Variants in SMARCC1 observed in about 807,000 individuals in gnomAD.
The protein encoded by SMARCC1 is SWI/SNF related BAF chromatin remodeling complex subunit C1.
In SMARCC1, 43 loss-of-function variants were observed where a neutral mutation model predicts 147.4. That is an observed-to-expected ratio of 0.29 (90% CI 0.23 to 0.38). The LOEUF is 0.38. Among genes scored for constraint, SMARCC1 ranks in the 10% least tolerant of loss-of-function variants. The pLI is 1.00. For synonymous variants in SMARCC1, 495 were observed against 484.4 expected (o/e 1.02, Z -0.29); for missense variants, 1,119 against 1,381.1 (o/e 0.81, Z 3.01).
chr3:47,599,349 C>G (rs1477762586), intron 26 of SMARCC1, among the ~76,000 whole-genome samples: 2 of 152,212 alleles, frequency 1.3e-5, no homozygotes, highest in Non-Finnish European at 2.9e-5. Context: ...CACCACTGCA[C>G]TCCAGCCTGA....
At chr3:47,612,689 T>C (rs1179722376) in intron 25 of SMARCC1, among the ~76,000 whole-genome samples, 3 of 152,108 alleles carry the variant, frequency 2.0e-5, no homozygotes, top group Non-Finnish European at 4.4e-5. Context: ...TTATCCTCTT[T>C]ATTTTCTGAG....
intron 18 of SMARCC1, 108 bp downstream of exon 18, chr3:47,675,367 T>C: frequency 3.5e-6 from 2 of 566,936 alleles, no homozygotes; most frequent in Non-Finnish European, 6.4e-6. Flanking sequence ...AGATAAATCA[T>C]AATTGTTTTT....
At chr3:47,719,783 T>C (rs1249204514) in intron 7 of SMARCC1, among the ~76,000 whole-genome samples, 3 of 152,090 alleles carry the variant, frequency 2.0e-5, no homozygotes, top group African/African-American at 7.2e-5. Context: ...TCACCAAGGA[T>C]GGAGTGTAGT....
chr3:47,735,739 G>A lies in SMARCC1; in HGVS notation c.576+295C>T, dbSNP rs112532561. Among the ~76,000 whole-genome samples the A allele has an allele frequency of 4.6e-5, 7 of 152,134 alleles. 1 individual carries two copies. The highest frequency in any genetic ancestry group is 1.7e-4 in the African/African-American group (7 of 41,502). On this transcript the variant is annotated intron_variant, in intron 5 of 27. Transcript: ENST00000254480. ...CCTACACTCTAGCCTGGGCGACAGCGCGAGACTCTCTCAACCACAACAACA... is the reference window on the plus strand; with the variant it reads ...CCTACACTCTAGCCTGGGCGACAGCACGAGACTCTCTCAACCACAACAACA...
chr3:47,742,194 A>G (rs533340885), intron 3 of SMARCC1, among the ~76,000 whole-genome samples: 2 of 152,194 alleles, frequency 1.3e-5, no homozygotes, highest in East Asian at 3.9e-4. Context: ...GTATTATTAG[A>G]AAGCAAAACT....
At chr3:47,691,908 G>A (rs576793209) in intron 12 of SMARCC1, among the ~76,000 whole-genome samples, 4 of 152,140 alleles carry the variant, frequency 2.6e-5, no homozygotes, top group African/African-American at 4.8e-5. Flanking sequence ...GCTGAGGCAG[G>A]AGAATTGCTT....
chr3:47,650,207 C>T (rs374062590), intron 21 of SMARCC1, among the ~76,000 whole-genome samples: 57 of 151,278 alleles, frequency 3.8e-4, no homozygotes, highest in East Asian at 3.1e-3. Context: ...ACCCCAGAGG[C>T]GGAGCTTGCA....
At chr3:47,754,424 A>G (rs1241176379) in intron 2 of SMARCC1, among the ~76,000 whole-genome samples, 1 of 151,976 alleles carries the variant, frequency 6.6e-6, no homozygotes, top group East Asian at 1.9e-4. Flanking sequence ...GATGGTCTCG[A>G]TCTCTTGACC....
At chr3:47,598,447 G>A (rs1024089766) in intron 26 of SMARCC1, among the ~76,000 whole-genome samples, 1 of 152,120 alleles carries the variant, frequency 6.6e-6, no homozygotes, top group Non-Finnish European at 1.5e-5. Context: ...CCTTAAACAA[G>A]TTAGGAAGAA....
intron 14 of SMARCC1, among the ~76,000 whole-genome samples, chr3:47,681,050 A>G (rs988218227): frequency 6.6e-6 from 1 of 152,194 alleles, no homozygotes; most frequent in African/African-American, 2.4e-5. Context: ...AAACTAAAAA[A>G]CTACTATCGA....
At chr3:47,595,993 A>G (rs1367489004) in intron 26 of SMARCC1, among the ~76,000 whole-genome samples, 3 of 151,608 alleles carry the variant, frequency 2.0e-5, no homozygotes, top group Non-Finnish European at 2.9e-5. Context: ...TTGGCCTCCC[A>G]AAGTGCTGGG....
At chr3:47,625,302 T>G (rs1399205232) in intron 24 of SMARCC1, among the ~76,000 whole-genome samples, 1 of 152,054 alleles carries the variant, frequency 6.6e-6, no homozygotes. Context: ...TTTATTTTTC[T>G]TTATTTTATT....
chr3:47,685,971 A>G (rs2033717313), intron 14 of SMARCC1, 78 bp downstream of exon 14: 1 of 1,194,710 alleles, frequency 8.4e-7, no homozygotes, highest in South Asian at 1.5e-5. Context: ...GAACATGGGC[A>G]GAAAGGCACA....
chr3:47,648,104 T>C (rs1166143849), intron 21 of SMARCC1, among the ~76,000 whole-genome samples: 1 of 152,080 alleles, frequency 6.6e-6, no homozygotes, highest in Non-Finnish European at 1.5e-5. Flanking sequence ...AAGTGATTCT[T>C]ATGCCTCAGC....
At chr3:47,649,745 A>G (rs2106720105) in intron 21 of SMARCC1, among the ~76,000 whole-genome samples, 1 of 152,324 alleles carries the variant, frequency 6.6e-6, no homozygotes, top group Non-Finnish European at 1.5e-5. Flanking sequence ...AATGAAACTA[A>G]TACTTGAGAT....
intron 12 of SMARCC1, among the ~76,000 whole-genome samples, chr3:47,689,733 C>T (rs1228565319): frequency 6.6e-6 from 1 of 152,140 alleles, no homozygotes; most frequent in Admixed American, 6.5e-5. Flanking sequence ...CGATTCTTGT[C>T]TCCTGAGTTT....
At chr3:47,756,987 A>G (rs1559664417) in intron 2 of SMARCC1, among the ~76,000 whole-genome samples, 2 of 152,104 alleles carry the variant, frequency 1.3e-5, no homozygotes, top group African/African-American at 4.8e-5. Flanking sequence ...ATGGTGACTC[A>G]CGCCTGTAAT....
At chr3:47,675,806 G>C (rs1011802627) in intron 17 of SMARCC1, among the ~76,000 whole-genome samples, 3 of 151,988 alleles carry the variant, frequency 2.0e-5, no homozygotes, top group Non-Finnish European at 2.9e-5. Context: ...TTAGCCGGGC[G>C]TGGTGGCACG....
chr3:47,739,796 C>T (rs1315921136), intron 3 of SMARCC1, among the ~76,000 whole-genome samples: 1 of 152,202 alleles, frequency 6.6e-6, no homozygotes, highest in African/African-American at 2.4e-5. Flanking sequence ...AGGCTACCCA[C>T]TACCACTCAA....
Sources: allele counts gnomAD v4.1 joint callset (sites outside exome capture counted in the v4.1 genomes callset), GRCh38; gene constraint gnomAD v4.1.1; transcripts MANE v1.5; gene names NCBI Gene and HGNC (gene_info 2026-07-23, HGNC 2026-07-21).